PLCB1: variants seen among roughly 807,000 people sequenced by gnomAD.
PLCB1 encodes phospholipase C beta 1, also known as 1-phosphatidylinositol 4,5-bisphosphate phosphodiesterase beta-1.
A neutral mutation model predicts 161.8 loss-of-function variants in PLCB1; 46 were observed. That is an observed-to-expected ratio of 0.28 (90% CI 0.22 to 0.36). The LOEUF is 0.36. Among genes scored for constraint, PLCB1 ranks in the 10% least tolerant of loss-of-function variants. The pLI is 1.00. For synonymous variants in PLCB1, 517 were observed against 503.7 expected, an observed-to-expected ratio of 1.03 and a Z score of -0.35; for missense variants, 1,016 against 1,472.5, an observed-to-expected ratio of 0.69 and a Z score of 5.07.
intron 3 of PLCB1, among the ~76,000 whole-genome samples, chr20:8,604,234 C>CA (rs1481515854): frequency 9.7e-5 from 10 of 103,570 alleles, no homozygotes; most frequent in African/African-American, 3.8e-4. Flanking sequence ...GCCTGAGTAA[C>CA]AGAGTGAGGC....
chr20:8,744,983 A>G (rs920040171), intron 23 of PLCB1, among the ~76,000 whole-genome samples: 2 of 152,222 alleles, frequency 1.3e-5, no homozygotes, highest in Non-Finnish European at 2.9e-5. Flanking sequence ...AAAGGTGATC[A>G]GAAAGCATTT....
intron 2 of PLCB1, among the ~76,000 whole-genome samples, chr20:8,324,451 A>T (rs1242794347): frequency 6.6e-6 from 1 of 152,190 alleles, no homozygotes; most frequent in Non-Finnish European, 1.5e-5. Context: ...ATAATCACAT[A>T]GTTGATTTCT....
At chr20:8,853,260 C>T (rs530309755) in intron 31 of PLCB1, among the ~76,000 whole-genome samples, 1 of 152,092 alleles carries the variant, frequency 6.6e-6, no homozygotes, top group South Asian at 2.1e-4. Flanking sequence ...AATTAAATGC[C>T]CAGATAAAAA....
chr20:8,786,278 CTGGAATTTTACATCTAGA>C (rs1355029167), intron 27 of PLCB1, among the ~76,000 whole-genome samples: 2 of 152,158 alleles, frequency 1.3e-5, no homozygotes, highest in Non-Finnish European at 2.9e-5. Flanking sequence ...TCTTTGCACA[CTGGAATTTTACATCTAGA>C]CAGCTTGATA....
intron 31 of PLCB1, among the ~76,000 whole-genome samples, chr20:8,826,874 G>C (rs73895324): frequency 0.037 from 5,662 of 152,284 alleles, 129 homozygotes; most frequent in Middle Eastern, 0.065. Flanking sequence ...ATGCGTCTGT[G>C]TTTCAGTGGT....
intron 9 of PLCB1, among the ~76,000 whole-genome samples, chr20:8,673,927 CTT>C (rs1990011212): frequency 6.6e-6 from 1 of 152,152 alleles, no homozygotes. Context: ...TGACAGCTCT[CTT>C]TAGCTGCCAG....
chr20:8,765,928 C>G (rs1334468991), intron 26 of PLCB1, among the ~76,000 whole-genome samples: 2 of 152,174 alleles, frequency 1.3e-5, no homozygotes. Flanking sequence ...ATCTGCCTGC[C>G]TCGGCCTCCC....
chr20:8,732,971 A>G (rs1980352913), intron 18 of PLCB1, among the ~76,000 whole-genome samples: 1 of 151,154 alleles, frequency 6.6e-6, no homozygotes, highest in Admixed American at 6.6e-5. Flanking sequence ...GCAGATACAT[A>G]TTAAATGAAA....
At chr20:8,229,859 A>AAAATAAAATAAAAT (rs11467272) in intron 2 of PLCB1, among the ~76,000 whole-genome samples, 35,479 of 75,770 alleles carry the variant, frequency 0.47, 6,376 homozygotes, top group African/African-American at 0.57. Context: ...CCCATCTCAT[A>AAAATAAAATAAAAT]AAATAAAATA....
chr20:8,506,787 TTTG>T (rs772576532), intron 3 of PLCB1, among the ~76,000 whole-genome samples: 1 of 152,226 alleles, frequency 6.6e-6, no homozygotes, highest in African/African-American at 2.4e-5. Flanking sequence ...TCTTGATTAG[TTTG>T]TTATTTGCCT....
intron 2 of PLCB1, among the ~76,000 whole-genome samples, chr20:8,300,274 TA>T (rs1419640355): frequency 1.3e-5 from 2 of 152,228 alleles, no homozygotes; most frequent in East Asian, 3.8e-4. Context: ...CATCTTCTAA[TA>T]TTCCATTGGC....
At chr20:8,169,763 G>A (rs1291659195) in intron 2 of PLCB1, among the ~76,000 whole-genome samples, 2 of 152,094 alleles carry the variant, frequency 1.3e-5, no homozygotes. Context: ...AGAGGACAGG[G>A]TGCGTGGTGC....
chr20:8,139,885 CA>C (rs1333386631), intron 1 of PLCB1, among the ~76,000 whole-genome samples: 1 of 152,138 alleles, frequency 6.6e-6, no homozygotes, highest in Non-Finnish European at 1.5e-5. Context: ...TTTTGACGAA[CA>C]TTCTTCTTGA....
chr20:8,710,502 CTTTT>C (rs1177302486), intron 12 of PLCB1, among the ~76,000 whole-genome samples: 1 of 71,464 alleles, frequency 1.4e-5, no homozygotes. Flanking sequence ...CTTGAGGATG[CTTTT>C]TTTTTTTTTT....
At chr20:8,138,848 A>T (rs1396728700) in intron 1 of PLCB1, among the ~76,000 whole-genome samples, 1 of 152,158 alleles carries the variant, frequency 6.6e-6, no homozygotes, top group African/African-American at 2.4e-5. Context: ...TATCATTACC[A>T]TGTGTTAATT....
chr20:8,798,173 T>C (rs1041182743), intron 31 of PLCB1, among the ~76,000 whole-genome samples: 1 of 150,868 alleles, frequency 6.6e-6, no homozygotes, highest in African/African-American at 2.4e-5. Flanking sequence ...CTCCAGACTG[T>C]GTGACAGCGC....
At chr20:8,582,307 T>A (rs902773456) in intron 3 of PLCB1, among the ~76,000 whole-genome samples, 6 of 152,076 alleles carry the variant, frequency 3.9e-5, no homozygotes, top group South Asian at 2.1e-4. Flanking sequence ...CCAACAGGAG[T>A]TGCCGTGGCT....
intron 31 of PLCB1, among the ~76,000 whole-genome samples, chr20:8,869,802 T>C (rs1177451808): frequency 6.6e-6 from 1 of 152,210 alleles, no homozygotes; most frequent in Non-Finnish European, 1.5e-5. Flanking sequence ...GGTAGCTCTG[T>C]AGCTCTGCTG....
intron 5 of PLCB1, among the ~76,000 whole-genome samples, chr20:8,647,324 A>G (rs1989196691): frequency 6.6e-6 from 1 of 152,226 alleles, no homozygotes; most frequent in African/African-American, 2.4e-5. Flanking sequence ...CTAGTTGGCT[A>G]ATCAATCTCT....
Sources: gnomAD v4.1 joint callset for allele counts (sites outside exome capture counted in the v4.1 genomes callset) on GRCh38, gnomAD v4.1.1 for gene constraint, MANE v1.5 for transcripts, NCBI Gene and HGNC (gene_info 2026-07-23, HGNC 2026-07-21) for gene names.